The following BCAT1 variants were observed in gnomAD, a reference collection of about 807,000 sequenced individuals.
BCAT1 encodes the protein branched-chain-amino-acid aminotransferase, cytosolic.
BCAT1 carries 48 observed loss-of-function variants against 52.4 expected under a neutral mutation model. The ratio of observed to expected loss-of-function variants is 0.92; its 90% CI spans 0.73 to 1.16. BCAT1 has a LOEUF of 1.16. Ranked by LOEUF, BCAT1 falls within the 50% of genes most tolerant of loss-of-function variation. BCAT1 has a pLI of 0.00. For synonymous variants in BCAT1, 167 were observed against 161.3 expected, an observed-to-expected ratio of 1.04 and a Z score of -0.27; for missense variants, 451 against 457.1, an observed-to-expected ratio of 0.99 and a Z score of 0.12.
rs146198621 is a variant in BCAT1 at position 24,868,780 on chromosome 12, TTAAC to T, written c.510+9746_510+9749del. ...AAAAGTATAAAACATAAAGAAAACT[TTAAC>T]TACTTTAAAACTAAGTACTTCTGTT... On this transcript the variant is annotated intron_variant, in intron 5 of 10. Coordinates refer to ENST00000261192, the MANE Select transcript of BCAT1 (RefSeq NM_005504.7). Among the ~76,000 whole-genome samples, 902 of 152,264 alleles carry T rather than the reference TTAAC, an allele frequency of 5.9e-3. 11 individuals carry two copies. Among genetic ancestry groups the T allele is most frequent in the African/African-American group, 0.021 (856 of 41,554 alleles).
At chr12:24,935,920 A>G (rs572640294) in intron 1 of BCAT1, among the ~76,000 whole-genome samples, 137 of 152,304 alleles carry the variant, frequency 9.0e-4, no homozygotes, top group African/African-American at 2.8e-3. Context: ...ACTTCTGCCA[A>G]CCTTCTACAA....
At position 24,831,579 on chromosome 12, in the gene BCAT1, G is replaced by A. The variant is rs564758441; in HGVS notation, c.1044+1144C>T. 1.4e-4 allele frequency among the ~76,000 whole-genome samples: 21 copies of A among 152,322 alleles called. No homozygotes were observed. In the East Asian group the frequency reaches 3.9e-3, roughly 28 times the overall value. On this transcript the variant is annotated intron_variant, in intron 9 of 10. Coordinates refer to ENST00000261192, the MANE Select transcript of BCAT1 (RefSeq NM_005504.7). Reference sequence around the variant, plus strand: ...TGAGAGGATCGCTTGAGCTTGGGAGGCGGAGGTTGCAGTGAGCCGAGATTG... The same window carrying A: ...TGAGAGGATCGCTTGAGCTTGGGAGACGGAGGTTGCAGTGAGCCGAGATTG...
intron 3 of BCAT1, among the ~76,000 whole-genome samples, chr12:24,888,337 A>G (rs1168698132): frequency 6.6e-6 from 1 of 152,118 alleles, no homozygotes; most frequent in Non-Finnish European, 1.5e-5. Flanking sequence ...TGTCTCTACT[A>G]AAAATACAAA....
chr12:24,916,901 G>T (rs1302734523), intron 1 of BCAT1, among the ~76,000 whole-genome samples: 1 of 152,146 alleles, frequency 6.6e-6, no homozygotes, highest in African/African-American at 2.4e-5. Flanking sequence ...GAACACTAAT[G>T]AATAGTTTCC....
chr12:24,927,737 G>T (rs1846493534), intron 1 of BCAT1, among the ~76,000 whole-genome samples: 1 of 152,204 alleles, frequency 6.6e-6, no homozygotes, highest in Non-Finnish European at 1.5e-5. Context: ...AGAGAATCCA[G>T]GTGTTTCCAA....
At chr12:24,907,265 C>G (rs1943240241) in intron 1 of BCAT1, among the ~76,000 whole-genome samples, 1 of 152,232 alleles carries the variant, frequency 6.6e-6, no homozygotes, top group South Asian at 2.1e-4. Context: ...GTCTCTGAAC[C>G]CTGTCTAGGC....
At position 24,811,369 on chromosome 12, in the gene BCAT1, T is replaced by G. The variant is rs570074466; in HGVS notation, c.*6639A>C. The G allele has an allele frequency of 1.3e-5, 2 of 152,324 alleles. No homozygotes were observed. Among genetic ancestry groups the G allele is most frequent in the South Asian group, 4.1e-4 (2 of 4,832 alleles). 9.4% of individuals were successfully genotyped at this position (152,324 alleles called of 1,614,324 possible). A position where few individuals can be genotyped will look rare whatever the true frequency, so the allele number is the denominator to read the frequency against. The stretch of plus-strand genomic sequence containing the variant: ...TTTCATGAAACCACACAAACAGGAT[T>G]CTTTTGTTTTATTGATAACAGAAAC... On this transcript the variant is annotated 3_prime_UTR_variant, in exon 11 of 11. Coordinates refer to ENST00000261192, the MANE Select transcript of BCAT1 (RefSeq NM_005504.7).
chr12:24,936,207 T>C (rs181011782), intron 1 of BCAT1, among the ~76,000 whole-genome samples: 9 of 152,366 alleles, frequency 5.9e-5, no homozygotes, highest in East Asian at 1.9e-4. Flanking sequence ...AACAGATGAC[T>C]GCAGACTTTG....
At chr12:24,912,338 C>T (rs2139703941) in intron 1 of BCAT1, among the ~76,000 whole-genome samples, 1 of 152,112 alleles carries the variant, frequency 6.6e-6, no homozygotes, top group East Asian at 1.9e-4. Context: ...CACGGTGAAA[C>T]CCCGTCTCTA....
chr12:24,880,080 G>A (rs1383514785), intron 4 of BCAT1, among the ~76,000 whole-genome samples: 1 of 152,156 alleles, frequency 6.6e-6, no homozygotes. Context: ...TGAAATGCGG[G>A]TTACAAAAAT....
chr12:24,925,297 A>T lies in BCAT1; in HGVS notation c.7-23412T>A, dbSNP rs78886892. On this transcript the variant is annotated intron_variant, in intron 1 of 10. Transcript: ENST00000261192. Reference sequence around the variant, plus strand: ...ACCTGACCTGCCCTGCAAATTTCAGACTCACGACTGCAACATCAACTCTTA... The same window carrying T: ...ACCTGACCTGCCCTGCAAATTTCAGTCTCACGACTGCAACATCAACTCTTA... Among the ~76,000 whole-genome samples, 732 of 152,184 alleles carry T rather than the reference A, an allele frequency of 4.8e-3. 3 individuals are homozygous for T. Among genetic ancestry groups the T allele is most frequent in the Non-Finnish European group, 8.3e-3 (567 of 67,994 alleles).
chr12:24,867,544 G>T (rs956102354), intron 5 of BCAT1, among the ~76,000 whole-genome samples: 2 of 152,074 alleles, frequency 1.3e-5, no homozygotes, highest in African/African-American at 4.8e-5. Flanking sequence ...TTATGATTTA[G>T]CACTGAGAAG....
At chr12:24,827,609 T>C (rs1940459540) in intron 10 of BCAT1, among the ~76,000 whole-genome samples, 2 of 152,086 alleles carry the variant, frequency 1.3e-5, no homozygotes, top group Non-Finnish European at 2.9e-5. Context: ...CTGGCCAACA[T>C]GGCGAAACCT....
At chr12:24,893,053 T>C (rs1223358575) in intron 3 of BCAT1, among the ~76,000 whole-genome samples, 2 of 152,236 alleles carry the variant, frequency 1.3e-5, no homozygotes, top group Non-Finnish European at 1.5e-5. Flanking sequence ...TATATGAATT[T>C]ATAATTTTGA....
chr12:24,947,914 CAT>C (rs1239938476), intron 1 of BCAT1, among the ~76,000 whole-genome samples: 1 of 152,202 alleles, frequency 6.6e-6, no homozygotes, highest in African/African-American at 2.4e-5. Flanking sequence ...TACAAAAACG[CAT>C]AGTTTCCACT....
intron 1 of BCAT1, among the ~76,000 whole-genome samples, chr12:24,943,939 G>A (rs961734149): frequency 1.3e-5 from 2 of 151,224 alleles, no homozygotes; most frequent in Non-Finnish European, 3.0e-5. Flanking sequence ...AGCCGAGATC[G>A]CACCACTGTA....
At chr12:24,823,743 G>T in intron 10 of BCAT1, among the ~76,000 whole-genome samples, 1 of 152,050 alleles carries the variant, frequency 6.6e-6, no homozygotes, top group Admixed American at 6.5e-5. Context: ...CTTCCCCTTT[G>T]CCTTCCGCCA....
chr12:24,819,569 C>T (rs1940027600), intron 10 of BCAT1, among the ~76,000 whole-genome samples: 1 of 152,092 alleles, frequency 6.6e-6, no homozygotes, highest in African/African-American at 2.4e-5. Flanking sequence ...CCAAGCTTCT[C>T]ATCTTACATA....
intron 1 of BCAT1, among the ~76,000 whole-genome samples, chr12:24,930,896 C>CTTTTTT (rs5797108): frequency 1.0e-5 from 1 of 96,084 alleles, no homozygotes; most frequent in African/African-American, 4.2e-5. Flanking sequence ...GAACAGGGCC[C>CTTTTTT]TTTTTTTTTT....
Sources: allele counts gnomAD v4.1 joint callset (sites outside exome capture counted in the v4.1 genomes callset), GRCh38; gene constraint gnomAD v4.1.1; transcripts MANE v1.5; gene names NCBI Gene and HGNC (gene_info 2026-07-23, HGNC 2026-07-21).